The following CD99L2 variants were observed in gnomAD, a reference collection of about 807,000 sequenced individuals.
CD99L2 encodes CD99 antigen-like protein 2.
CD99L2 carries 24 observed loss-of-function variants against 27.3 expected under a neutral mutation model. The observed-to-expected ratio is 0.88, with a 90% CI of 0.64 to 1.24. The LOEUF is 1.24. Among genes scored for constraint, CD99L2 ranks in the 50% most tolerant of loss-of-function variants. The pLI, the probability that CD99L2 is intolerant of heterozygous loss-of-function variation, is 0.00. For missense variants in CD99L2, 255 were observed against 221.6 expected (o/e 1.15, Z -0.96); for synonymous variants, 97 against 87.9 (o/e 1.10, Z -0.58).
chrX:150,888,184 T>C (rs782004912), intron 1 of CD99L2, among the ~76,000 whole-genome samples: 1 of 111,768 alleles, frequency 8.9e-6, no homozygotes, highest in South Asian at 3.7e-4. Context: ...TCTAGGCATA[T>C]ATCCCAAAGA....
intron 9 of CD99L2, among the ~76,000 whole-genome samples, chrX:150,773,736 G>A (rs189100754): frequency 1.4e-4 from 16 of 112,542 alleles, no homozygotes; most frequent in African/African-American, 5.2e-4. Flanking sequence ...ATGGCCACAA[G>A]CCAAGGAACA....
chrX:150,863,144 T>C (rs1205862882), intron 1 of CD99L2, among the ~76,000 whole-genome samples: 2 of 112,267 alleles, frequency 1.8e-5, no homozygotes, highest in East Asian at 2.8e-4. Flanking sequence ...TTGCTACAAG[T>C]TGGCATTTAT....
intron 2 of CD99L2, 57 bp from the exon 3 acceptor site, chrX:150,816,135 C>A (rs2046151363): frequency 1.2e-5 from 13 of 1,106,675 alleles, no homozygotes; most frequent in Non-Finnish European, 1.6e-5. Flanking sequence ...AACACAGCAG[C>A]TACTTTATGA....
At chrX:150,786,214 T>C (rs2045591765) in intron 7 of CD99L2, among the ~76,000 whole-genome samples, 1 of 111,400 alleles carries the variant, frequency 9.0e-6, no homozygotes, top group Non-Finnish European at 1.9e-5. Flanking sequence ...ATAATGATTT[T>C]GGTTTTTTTT....
At position 150,768,014 on chromosome X, in the gene CD99L2, G is replaced by A. The variant is rs1419488209; in HGVS notation, c.*1020C>T. On this transcript the variant is annotated 3_prime_UTR_variant, in exon 11 of 11. Transcript: ENST00000370377. Reference sequence around the variant, plus strand: ...ACGCACTCTCCCTCAGAGCAGACAAGTAGGCTGACCACAGAGCTACAAAGT... The same window carrying A: ...ACGCACTCTCCCTCAGAGCAGACAAATAGGCTGACCACAGAGCTACAAAGT... 3.6e-5 allele frequency: 4 copies of A among 112,342 alleles called. No individual in the cohort carries two copies. In the Admixed American group the frequency reaches 3.7e-4, roughly 10 times the overall value. 9.3% of individuals were successfully genotyped at this position (112,342 alleles called of 1,213,427 possible).
intron 1 of CD99L2, among the ~76,000 whole-genome samples, chrX:150,831,880 T>C (rs1410462708): frequency 8.9e-6 from 1 of 111,864 alleles, no homozygotes; most frequent in Non-Finnish European, 1.9e-5. Context: ...ACACCCAACA[T>C]TGAAGCACCT....
intron 7 of CD99L2, among the ~76,000 whole-genome samples, chrX:150,791,392 A>G (rs2045685524): frequency 8.9e-6 from 1 of 111,764 alleles, no homozygotes; most frequent in African/African-American, 3.3e-5. Context: ...CCAAGGAAAT[A>G]AATCCAAGAG....
intron 1 of CD99L2, among the ~76,000 whole-genome samples, chrX:150,859,968 A>C (rs189196937): frequency 1.7e-3 from 186 of 111,609 alleles, no homozygotes; most frequent in African/African-American, 5.8e-3. Flanking sequence ...AATTCTCCCT[A>C]ACTTATTCTA....
At position 150,769,088 on chromosome X, in the gene CD99L2, C is replaced by T. The variant is rs782713651; in HGVS notation, c.735G>A (p.Thr245=). 4.7e-5 allele frequency: 55 copies of T among 1,161,894 alleles called. No homozygotes were observed. The highest frequency in any genetic ancestry group is 3.8e-4 in the Admixed American group (13 of 34,584). ...GCGGCTCTGCAGACTGCGTGTGCAA[C>T]GTGGAGTATTTCACTAGGGGAAAAA... ...VCEEPQVKYS[T]LHTQSAEPPP... is the part of the protein sequence containing the mutation. The change falls in exon 11 of 11, where the codon ACG becomes ACA. Residue 245 remains threonine (T), a synonymous_variant. Transcript: ENST00000370377.
At chrX:150,829,206 GTATATATATTATATATCTATAAATA>G (rs2046405368) in intron 2 of CD99L2, 1 of 155,714 alleles carries the variant, frequency 6.4e-6, no homozygotes, top group Admixed American at 7.5e-5. Context: ...ATATGTATGT[GTATATATATTATATATCTATAAATA>G]TATATTTCCT....
rs1557418900 is a variant in CD99L2 at position 150,769,665 on chromosome X, TAGTCTCCCTGCCTGC to T, written c.722-579_722-565del. On this transcript the variant is annotated intron_variant, in intron 10 of 10. Transcript: ENST00000370377. The stretch of plus-strand genomic sequence containing the variant: ...CTGGCAACACTCGCCTGAGCTGTCC[TAGTCTCCCTGCCTGC>T]GCCACCAGGCCTCGGCTGCTCCCCG... Among the ~76,000 whole-genome samples the T allele has an allele frequency of 4.9e-3, 531 of 108,695 alleles. 1 individual carries two copies. Among genetic ancestry groups the T allele is most frequent in the African/African-American group, 0.017 (502 of 29,812 alleles). 94.4% of individuals were successfully genotyped at this position (108,695 alleles called of 115,157 possible). A position where few individuals can be genotyped will look rare whatever the true frequency, so the allele number is the denominator to read the frequency against.
intron 7 of CD99L2, among the ~76,000 whole-genome samples, chrX:150,793,029 T>C (rs1557419756): frequency 1.8e-5 from 2 of 111,664 alleles, no homozygotes; most frequent in Non-Finnish European, 3.8e-5. Flanking sequence ...TCTACACACA[T>C]AACATTTTAT....
At chrX:150,879,388 G>C (rs2047285216) in intron 1 of CD99L2, among the ~76,000 whole-genome samples, 1 of 111,637 alleles carries the variant, frequency 9.0e-6, no homozygotes, top group Non-Finnish European at 1.9e-5. Context: ...TGAAAACATA[G>C]AGCAGAAGTG....
At chrX:150,770,870 G>A (rs782698903) in intron 9 of CD99L2, among the ~76,000 whole-genome samples, 71 of 112,796 alleles carry the variant, frequency 6.3e-4, no homozygotes, top group African/African-American at 9.0e-4. Context: ...ACACCCGCGC[G>A]GAGGCCAACT....
chrX:150,846,377 C>G (rs1158996991), intron 1 of CD99L2, among the ~76,000 whole-genome samples: 5 of 111,080 alleles, frequency 4.5e-5, no homozygotes, highest in African/African-American at 1.6e-4. Flanking sequence ...GCCAAACAGG[C>G]AGGATGCAGA....
chrX:150,778,679 A>ATATAT (rs1569565875), intron 7 of CD99L2, among the ~76,000 whole-genome samples: 6 of 24,131 alleles, frequency 2.5e-4, no homozygotes, highest in African/African-American at 6.8e-4. Flanking sequence ...ATAATAAAAA[A>ATATAT]AAAAAAATAT....
chrX:150,868,783 A>G, intron 1 of CD99L2, among the ~76,000 whole-genome samples: 1 of 112,028 alleles, frequency 8.9e-6, no homozygotes, highest in Middle Eastern at 4.6e-3. Flanking sequence ...CTGGGTTTTA[A>G]GAGGACAGAG....
intron 2 of CD99L2, among the ~76,000 whole-genome samples, chrX:150,824,756 T>A (rs1374795643): frequency 9.0e-6 from 1 of 111,114 alleles, no homozygotes; most frequent in African/African-American, 3.3e-5. Flanking sequence ...TACTGCCACA[T>A]TGGGAATTAA....
At chrX:150,793,872 C>CT (rs2045741543) in intron 6 of CD99L2, 116 bp from the exon 7 acceptor site, 2 of 559,864 alleles carry the variant, frequency 3.6e-6, no homozygotes, top group Non-Finnish European at 5.4e-6. Flanking sequence ...TAAGAATGCC[C>CT]TTCATGAAAT....
Sources: gnomAD v4.1 joint callset for allele counts (sites outside exome capture counted in the v4.1 genomes callset) on GRCh38, gnomAD v4.1.1 for gene constraint, MANE v1.5 for transcripts, NCBI Gene and HGNC (gene_info 2026-07-23, HGNC 2026-07-21) for gene names.